Variants in SHLD1 observed in about 807,000 individuals in gnomAD.
SHLD1 encodes the protein RINN1-REV7-interacting novel NHEJ regulator 3.
Under a neutral mutation model 5.5 loss-of-function variants are expected in SHLD1, and 3 were observed. That is an observed-to-expected ratio of 0.54 (90% CI 0.25 to 1.40). SHLD1 has a LOEUF of 1.40. Among genes scored for constraint, SHLD1 ranks in the 40% most tolerant of loss-of-function variants. SHLD1 has a pLI of 0.15. For missense variants in SHLD1, 210 were observed against 244.4 expected, an observed-to-expected ratio of 0.86 and a Z score of 0.94; for synonymous variants, 92 against 94.3, an observed-to-expected ratio of 0.98 and a Z score of 0.14.
chr20:5,851,302 A>G (rs1317390657), intron 2 of SHLD1, among the ~76,000 whole-genome samples: 1 of 152,158 alleles, frequency 6.6e-6, no homozygotes, highest in African/African-American at 2.4e-5. Flanking sequence ...CCTGACCAAC[A>G]TGGTGAGACC....
At position 5,863,181 on chromosome 20, in the gene SHLD1, C is replaced by G; in HGVS notation, c.336C>G (p.Gly112=). Residue 112 remains glycine, a synonymous_variant, in exon 3 of 3, where the codon GGC becomes GGG. Coordinates refer to ENST00000303142, the MANE Select transcript of SHLD1 (RefSeq NM_152504.4). The part of the protein sequence containing the change: ...FYEMFGHPQP[G]SANSLSASVC... ...AAATGTTTGGTCATCCACAGCCAGGCTCTGCAAACTCACTCTCTGCATCTG... is the reference window on the plus strand; with the variant it reads ...AAATGTTTGGTCATCCACAGCCAGGGTCTGCAAACTCACTCTCTGCATCTG... The G allele has an allele frequency of 6.2e-7, 1 of 1,614,194 alleles. No homozygotes were observed. The highest frequency in any genetic ancestry group is 1.3e-5 in the African/African-American group (1 of 75,038).
At position 5,864,296 on chromosome 20, in the gene SHLD1, C is replaced by T. The variant is rs1186605493; in HGVS notation, c.*833C>T. 6.6e-6 allele frequency among the ~76,000 whole-genome samples: 1 copy of T among 152,186 alleles called. No homozygotes were observed. The highest frequency in any genetic ancestry group is 1.9e-4 in the East Asian group (1 of 5,190). On this transcript the variant is annotated 3_prime_UTR_variant, in exon 3 of 3. Transcript: ENST00000303142. ...AGGTGAGAAGGTAACAAATGTGCAC[C>T]ACCCACCACAGTATATGTAAGCACA... is the stretch of plus-strand genomic sequence containing the variant.
At chr20:5,843,570 T>C (rs1006305270) in intron 2 of SHLD1, among the ~76,000 whole-genome samples, 2 of 152,224 alleles carry the variant, frequency 1.3e-5, no homozygotes, top group Admixed American at 1.3e-4. Context: ...GTGTGGACGT[T>C]GAAGCTGACA....
intron 2 of SHLD1, among the ~76,000 whole-genome samples, chr20:5,831,727 ATCTC>A (rs368300547): frequency 1.3e-5 from 2 of 149,912 alleles, no homozygotes; most frequent in African/African-American, 2.4e-5. Context: ...AATCCCTTTG[ATCTC>A]TCTCTCTCTC....
chr20:5,763,427 CTG>C (rs1984592255), intron 1 of SHLD1, among the ~76,000 whole-genome samples: 2 of 152,158 alleles, frequency 1.3e-5, no homozygotes, highest in East Asian at 3.9e-4. Flanking sequence ...ATGCAAGAAG[CTG>C]TCTTTCCTTT....
At chr20:5,751,639 T>A (rs1162241816) in intron 1 of SHLD1, among the ~76,000 whole-genome samples, 1 of 152,176 alleles carries the variant, frequency 6.6e-6, no homozygotes, top group Admixed American at 6.6e-5. Context: ...TTTCAAAGCT[T>A]GTCTTTGTAT....
chr20:5,792,854 T>C (rs1375512987), intron 2 of SHLD1, among the ~76,000 whole-genome samples: 1 of 151,858 alleles, frequency 6.6e-6, no homozygotes, highest in Non-Finnish European at 1.5e-5. Flanking sequence ...TTTGTATTTT[T>C]AGTAGAGACG....
At chr20:5,848,132 A>G (rs918890107) in intron 2 of SHLD1, among the ~76,000 whole-genome samples, 2 of 152,274 alleles carry the variant, frequency 1.3e-5, no homozygotes, top group African/African-American at 2.4e-5. Flanking sequence ...TGAAAACAAA[A>G]TGCAAAACTT....
chr20:5,754,672 T>C (rs1401566720), intron 1 of SHLD1, among the ~76,000 whole-genome samples: 1 of 152,148 alleles, frequency 6.6e-6, no homozygotes, highest in African/African-American at 2.4e-5. Flanking sequence ...AATGTATAAA[T>C]GTTTGGGGAG....
chr20:5,852,029 A>G (rs1449815204), intron 2 of SHLD1, among the ~76,000 whole-genome samples: 1 of 151,704 alleles, frequency 6.6e-6, no homozygotes, highest in Non-Finnish European at 1.5e-5. Flanking sequence ...TCTTGCTCCT[A>G]CTTTGGCTGT....
chr20:5,843,295 C>CTTTT lies in SHLD1; in HGVS notation c.179-19720_179-19717dup, dbSNP rs11473559. Among the ~76,000 whole-genome samples the CTTTT allele has an allele frequency of 3.2e-3, 458 of 141,668 alleles. 3 individuals are homozygous for CTTTT. The highest frequency in any genetic ancestry group is 9.5e-3 in the African/African-American group (362 of 38,022). 92.9% of individuals were successfully genotyped at this position (141,668 alleles called of 152,430 possible). A position where few individuals can be genotyped will look rare whatever the true frequency, so the allele number is the denominator to read the frequency against. ...CTGGCTCATGATCAATTGTTTTTTT[C>CTTTT]TTTTTTTTTTTTCCTTTTATTTTCT... On this transcript the variant is annotated intron_variant, in intron 2 of 2. Coordinates refer to ENST00000303142, the MANE Select transcript of SHLD1 (RefSeq NM_152504.4).
At position 5,864,332 on chromosome 20, in the gene SHLD1, G is replaced by A. The variant is rs747515333; in HGVS notation, c.*869G>A. On this transcript the variant is annotated 3_prime_UTR_variant, in exon 3 of 3. Coordinates refer to ENST00000303142, the MANE Select transcript of SHLD1 (RefSeq NM_152504.4). ...GTATATGTAAGCACAATTATGCTACGCTAGGCTGATGCCACGTGGCCTTGT... is the reference window on the plus strand; with the variant it reads ...GTATATGTAAGCACAATTATGCTACACTAGGCTGATGCCACGTGGCCTTGT... Among the ~76,000 whole-genome samples the A allele has an allele frequency of 2.0e-5, 3 of 152,350 alleles. No individual in the cohort carries two copies. Among genetic ancestry groups the A allele is most frequent in the South Asian group, 2.1e-4 (1 of 4,830 alleles).
Position 5,855,065 on chromosome 20 carries a change from G to A in SHLD1, c.179-7959G>A, listed in dbSNP as rs2088064997. Reference sequence around the variant, plus strand: ...AATTTTTAATTTTTTTTTTGTAGAGGCAGGGTCTTGCTATGTTGCCTAGGT... The same window carrying A: ...AATTTTTAATTTTTTTTTTGTAGAGACAGGGTCTTGCTATGTTGCCTAGGT... On this transcript the variant is annotated intron_variant, in intron 2 of 2. Transcript: ENST00000303142. The surrounding 1 kb of genome is among the most constrained non-coding windows in gnomAD (Gnocchi z 4.4). Among the ~76,000 whole-genome samples, 1 of 151,524 alleles carries A rather than the reference G, an allele frequency of 6.6e-6. No homozygotes were observed. The highest frequency in any genetic ancestry group is 1.5e-5 in the Non-Finnish European group (1 of 67,882).
At chr20:5,859,972 G>A (rs2088138559) in intron 2 of SHLD1, among the ~76,000 whole-genome samples, 1 of 152,194 alleles carries the variant, frequency 6.6e-6, no homozygotes, top group South Asian at 2.1e-4. Flanking sequence ...TACTTACCAA[G>A]TACGTGCCAT....
intron 2 of SHLD1, among the ~76,000 whole-genome samples, chr20:5,819,106 C>T (rs954446610): frequency 2.6e-5 from 4 of 152,090 alleles, no homozygotes; most frequent in African/African-American, 9.7e-5. Flanking sequence ...AAGTGATCTG[C>T]CCGCCTCAGC....
intron 2 of SHLD1, among the ~76,000 whole-genome samples, chr20:5,846,791 A>G (rs1028899990): frequency 2.6e-5 from 4 of 152,246 alleles, no homozygotes; most frequent in African/African-American, 4.8e-5. Flanking sequence ...GAGTTGATCC[A>G]GATAATTCCC....
At chr20:5,758,319 AGGGAG>A (rs1464683175) in intron 1 of SHLD1, among the ~76,000 whole-genome samples, 4 of 52,288 alleles carry the variant, frequency 7.6e-5, no homozygotes, top group Non-Finnish European at 3.4e-5. Flanking sequence ...AGGGAAGGGA[AGGGAG>A]GGGAGGGGAG....
At chr20:5,776,160 C>CA (rs1457517385) in intron 2 of SHLD1, among the ~76,000 whole-genome samples, 2 of 152,070 alleles carry the variant, frequency 1.3e-5, no homozygotes, top group East Asian at 3.9e-4. Flanking sequence ...CTCCTGACCT[C>CA]AAGTGATCCA....
At position 5,863,456 on chromosome 20, in the gene SHLD1, A is replaced by G; in HGVS notation, c.611A>G (p.Asp204Gly). 6.3e-7 allele frequency: 1 copy of G among 1,597,262 alleles called. No homozygotes were observed. Among genetic ancestry groups the G allele is most frequent in the Non-Finnish European group, 8.5e-7 (1 of 1,172,120 alleles). The change falls in exon 3 of 3, where the codon GAC (aspartate) becomes GGC (glycine). Residue 204 changes from aspartate to glycine, a missense_variant. Transcript: ENST00000303142. ...HFLLQQNVMK[D>G]L is the part of the protein sequence containing the mutation. Reference sequence around the variant, plus strand: ...CTCTTGCAGCAGAATGTAATGAAAGACCTGTAACTGGTGCCGGGCAGTGTG... The same window carrying G: ...CTCTTGCAGCAGAATGTAATGAAAGGCCTGTAACTGGTGCCGGGCAGTGTG...
Sources: allele counts gnomAD v4.1 joint callset (sites outside exome capture counted in the v4.1 genomes callset), GRCh38; gene constraint gnomAD v4.1.1; non-coding constraint Gnocchi (gnomAD v3.1); transcripts MANE v1.5; gene names NCBI Gene and HGNC (gene_info 2026-07-23, HGNC 2026-07-21).